KIAA2012: variants seen among roughly 807,000 people sequenced by gnomAD.
KIAA2012 encodes KIAA2012, also known as uncharacterized protein KIAA2012.
In KIAA2012, 125 loss-of-function variants were observed where a neutral mutation model predicts 150.6. The ratio of observed to expected loss-of-function variants is 0.83; its 90% CI spans 0.72 to 0.96. KIAA2012 has a LOEUF of 0.96. Among genes scored for constraint, KIAA2012 ranks in the 40% least tolerant of loss-of-function variants. KIAA2012 has a pLI of 0.00. For synonymous variants in KIAA2012, 462 were observed against 504.7 expected (o/e 0.92, Z 1.13); for missense variants, 1,219 against 1,354.9 (o/e 0.90, Z 1.57).
At chr2:202,089,730 C>T (rs550298591) in intron 2 of KIAA2012, among the ~76,000 whole-genome samples, 66 of 152,112 alleles carry the variant, frequency 4.3e-4, no homozygotes, top group Non-Finnish European at 7.3e-4. Flanking sequence ...AAACAGTCCA[C>T]GGTGTTAGAA....
chr2:202,191,687 C>T (rs1692330264), intron 19 of KIAA2012, among the ~76,000 whole-genome samples: 2 of 152,222 alleles, frequency 1.3e-5, no homozygotes, highest in Admixed American at 1.3e-4. Context: ...ATTACTATTT[C>T]TTCCCCTGAG....
intron 15 of KIAA2012, among the ~76,000 whole-genome samples, chr2:202,182,394 G>A (rs1247849197): frequency 6.6e-6 from 1 of 151,900 alleles, no homozygotes; most frequent in East Asian, 1.9e-4. Context: ...TTACAGGCAT[G>A]AGCCCCCACA....
chr2:202,075,363 T>G (rs1689303985), intron 2 of KIAA2012, among the ~76,000 whole-genome samples, 188 bp downstream of exon 2: 1 of 152,222 alleles, frequency 6.6e-6, no homozygotes, highest in South Asian at 2.1e-4. Flanking sequence ...GTCACAAAGC[T>G]TAAATGAGAT....
rs150039982 is a variant in KIAA2012 at position 202,100,480 on chromosome 2, GGAGA to G, written c.1155+41_1155+44del. 4 of 1,459,716 alleles carry G rather than the reference GGAGA, an allele frequency of 2.7e-6. No homozygotes were observed. The African/African-American group carries it at 4.2e-5, about 16-fold the overall frequency. The allele number at this position is 1,459,716 out of a possible 1,614,324, so 90.4% of individuals were successfully genotyped here. ...GTGTATATGTATGTTTGTGCATACA[GGAGA>G]GAGAGAGAGGAGGGAAGAGAGAAAG... On this transcript the variant is annotated intron_variant, in intron 7 of 23. Coordinates refer to ENST00000498697, the MANE Select transcript of KIAA2012 (RefSeq NM_001277372.4).
At position 202,073,712 on chromosome 2, in the gene KIAA2012, G is replaced by A. The variant is rs1689258499; in HGVS notation, c.84+1G>A. Reference sequence around the variant, plus strand: ...GTTAGAAGTCTACTTTGAACCAGAGGTGAGTCCCACAGCTGAAGAAAGGCA... The same window carrying A: ...GTTAGAAGTCTACTTTGAACCAGAGATGAGTCCCACAGCTGAAGAAAGGCA... On this transcript the variant is annotated splice_donor_variant, in intron 1 of 23. Coordinates refer to ENST00000498697, the MANE Select transcript of KIAA2012 (RefSeq NM_001277372.4). LOFTEE classifies it high-confidence loss of function. The A allele has an allele frequency of 1.9e-6, 3 of 1,550,274 alleles. No individual in the cohort carries two copies. The highest frequency in any genetic ancestry group is 2.6e-6 in the Non-Finnish European group (3 of 1,146,824).
chr2:202,174,614 C>T (rs1463966729), intron 15 of KIAA2012, among the ~76,000 whole-genome samples: 2 of 152,152 alleles, frequency 1.3e-5, no homozygotes, highest in Non-Finnish European at 2.9e-5. Flanking sequence ...TGGAAAACTG[C>T]AAACATACAC....
intron 4 of KIAA2012, among the ~76,000 whole-genome samples, chr2:202,093,728 C>T (rs191330742): frequency 8.5e-4 from 129 of 152,204 alleles, no homozygotes; most frequent in African/African-American, 3.0e-3. Context: ...CTTCTGTTTG[C>T]TCATCTCTGT....
chr2:202,154,631 A>T (rs1199856571), intron 13 of KIAA2012, 42 bp from the exon 14 acceptor site: 1 of 1,507,116 alleles, frequency 6.6e-7, no homozygotes, highest in Non-Finnish European at 8.8e-7. Flanking sequence ...TGCACTGTAT[A>T]TCATTCATAT....
intron 14 of KIAA2012, among the ~76,000 whole-genome samples, chr2:202,161,518 C>T (rs1456799222): frequency 2.0e-5 from 3 of 152,036 alleles, no homozygotes; most frequent in Non-Finnish European, 4.4e-5. Context: ...TTTACACTGT[C>T]CACACACTGC....
chr2:202,131,613 A>C (rs1422640182), intron 12 of KIAA2012, among the ~76,000 whole-genome samples: 1 of 152,244 alleles, frequency 6.6e-6, no homozygotes, highest in African/African-American at 2.4e-5. Context: ...GCTATGAACG[A>C]GTTCAGACTG....
intron 14 of KIAA2012, among the ~76,000 whole-genome samples, chr2:202,158,637 C>G (rs1226137619): frequency 6.6e-6 from 1 of 152,178 alleles, no homozygotes; most frequent in Non-Finnish European, 1.5e-5. Context: ...GCTGGGATTA[C>G]TAGCGTGAGC....
intron 4 of KIAA2012, among the ~76,000 whole-genome samples, chr2:202,095,981 G>A (rs1244525212): frequency 4.6e-5 from 7 of 152,166 alleles, no homozygotes; most frequent in Non-Finnish European, 7.3e-5. Flanking sequence ...CTACTCGGGA[G>A]GCTGAGGCAG....
intron 15 of KIAA2012, among the ~76,000 whole-genome samples, chr2:202,184,290 AG>A (rs1692181070): frequency 6.6e-6 from 1 of 151,738 alleles, no homozygotes; most frequent in African/African-American, 2.4e-5. Context: ...AGGCTGAGGT[AG>A]GAGAATCACT....
chr2:202,197,984 G>C (rs1314444700), intron 22 of KIAA2012: 1 of 151,596 alleles, frequency 6.6e-6, no homozygotes, highest in Non-Finnish European at 1.5e-5. Context: ...GACCAGCCTG[G>C]TCAACATGGT....
In KIAA2012 at chr2:202,178,782, G is replaced by A. The variant is rs542165399; in HGVS notation, c.2120-5971G>A. 2.4e-4 allele frequency: 40 copies of A among 169,060 alleles called. No homozygotes were observed. The Middle Eastern group carries it at 8.8e-3, about 37-fold the overall frequency. The allele number at this position is 169,060 out of a possible 1,614,324, so 10.5% of individuals were successfully genotyped here. ...TCCAATTCCTCAACCACCTTTGCGC[G>A]TTAACAATCTTGTGCCCCTCTAAAG... On this transcript the variant is annotated intron_variant, in intron 15 of 23. Transcript: ENST00000498697.
At chr2:202,148,497 G>A (rs1454683852) in intron 13 of KIAA2012, among the ~76,000 whole-genome samples, 1 of 152,160 alleles carries the variant, frequency 6.6e-6, no homozygotes, top group African/African-American at 2.4e-5. Context: ...GGCCCACTCA[G>A]CCCATTTCAC....
chr2:202,089,789 G>A lies in KIAA2012; in HGVS notation c.370-981G>A, dbSNP rs575646108. Among the ~76,000 whole-genome samples, 9 of 152,314 alleles carry A rather than the reference G, an allele frequency of 5.9e-5. No individual in the cohort carries two copies. In the East Asian group the frequency reaches 9.6e-4, roughly 16 times the overall value. ...GGTAGGAGGATACTGACTAAAAAGC[G>A]GCATGAGGGACTTCCTGGGTGGATG... is the stretch of plus-strand genomic sequence containing the variant. On this transcript the variant is annotated intron_variant, in intron 2 of 23. Transcript: ENST00000498697.
intron 12 of KIAA2012, among the ~76,000 whole-genome samples, chr2:202,129,364 C>A (rs1486417330): frequency 6.6e-6 from 1 of 151,826 alleles, no homozygotes; most frequent in Non-Finnish European, 1.5e-5. Context: ...GGATTACGGG[C>A]ACCCGCCACC....
In KIAA2012 at chr2:202,190,500, T is replaced by A; in HGVS notation, c.2811+7T>A. 6.7e-7 allele frequency: 1 copy of A among 1,487,830 alleles called. No homozygotes were observed. Among genetic ancestry groups the A allele is most frequent in the Non-Finnish European group, 9.0e-7 (1 of 1,117,280 alleles). 92.2% of individuals were successfully genotyped at this position (1,487,830 alleles called of 1,614,324 possible). A position where few individuals can be genotyped will look rare whatever the true frequency, so the allele number is the denominator to read the frequency against. On this transcript the variant is annotated splice_region_variant and intron_variant, in intron 19 of 23. Coordinates refer to ENST00000498697, the MANE Select transcript of KIAA2012 (RefSeq NM_001277372.4). ...ATGTGAGGACCCTTCCAAGGTAGGGTCTGATGTCCTCAGCTTGACAGAGGA... is the reference window on the plus strand; with the variant it reads ...ATGTGAGGACCCTTCCAAGGTAGGGACTGATGTCCTCAGCTTGACAGAGGA...
Sources: allele counts gnomAD v4.1 joint callset (sites outside exome capture counted in the v4.1 genomes callset), GRCh38; gene constraint gnomAD v4.1.1; transcripts MANE v1.5; gene names NCBI Gene and HGNC (gene_info 2026-07-23, HGNC 2026-07-21).